Variants in MAN1A2 observed in about 807,000 individuals in gnomAD.
The protein encoded by MAN1A2 is mannosidase alpha class 1A member 2.
MAN1A2 carries 26 observed loss-of-function variants against 75.7 expected under a neutral mutation model. The observed-to-expected ratio is 0.34, with a 90% CI of 0.25 to 0.48. The LOEUF is 0.48. Among genes scored for constraint, MAN1A2 ranks in the 20% least tolerant of loss-of-function variants. The pLI is 0.99. For missense variants in MAN1A2, 562 were observed against 775.5 expected (o/e 0.72, Z 3.27); for synonymous variants, 247 against 264.6 (o/e 0.93, Z 0.65).
intron 12 of MAN1A2, among the ~76,000 whole-genome samples, chr1:117,512,423 T>C (rs770993041): frequency 1.3e-5 from 2 of 152,046 alleles, no homozygotes; most frequent in Non-Finnish European, 2.9e-5. Flanking sequence ...TTCTGATAAA[T>C]AGGTCTAGAG....
chr1:117,514,847 A>C, intron 12 of MAN1A2: 1 of 533,052 alleles, frequency 1.9e-6, no homozygotes, highest in South Asian at 1.4e-5. Flanking sequence ...TGGATCTTGA[A>C]GTTAGCCTCC....
chr1:117,455,078 T>C (rs1461124283), intron 6 of MAN1A2, among the ~76,000 whole-genome samples: 1 of 152,136 alleles, frequency 6.6e-6, no homozygotes, highest in East Asian at 1.9e-4. Flanking sequence ...AGAGACACTT[T>C]GGAAAACAGT....
At chr1:117,487,262 A>G (rs12407227) in intron 8 of MAN1A2, among the ~76,000 whole-genome samples, 13,573 of 152,096 alleles carry the variant, frequency 0.089, 672 homozygotes, top group Middle Eastern at 0.16. Context: ...CTGAAGAAGC[A>G]ATAGGCATAA....
At chr1:117,443,412 ATGT>A (rs1275039284) in intron 6 of MAN1A2, among the ~76,000 whole-genome samples, 3 of 152,110 alleles carry the variant, frequency 2.0e-5, no homozygotes, top group African/African-American at 7.2e-5. Flanking sequence ...TGGCCAAGTG[ATGT>A]TGTGTATACG....
Position 117,527,870 on chromosome 1 carries a change from A to G in MAN1A2, c.*4913A>G, listed in dbSNP as rs948765459. On this transcript the variant is annotated 3_prime_UTR_variant, in exon 13 of 13. Coordinates refer to ENST00000356554, the MANE Select transcript of MAN1A2 (RefSeq NM_006699.5). ...GCAAACTTTTGAAGAATTCTAAGCA[A>G]CAGAAAATGGGTTATGTGACTCATC... 1 of 152,058 alleles carries G rather than the reference A, an allele frequency of 6.6e-6. No individual in the cohort carries two copies. The highest frequency in any genetic ancestry group is 1.5e-5 in the Non-Finnish European group (1 of 67,968). 9.4% of individuals were successfully genotyped at this position (152,058 alleles called of 1,614,324 possible). A position where few individuals can be genotyped will look rare whatever the true frequency, so the allele number is the denominator to read the frequency against.
intron 12 of MAN1A2, among the ~76,000 whole-genome samples, chr1:117,509,418 C>G (rs1007627912): frequency 6.6e-6 from 1 of 151,954 alleles, no homozygotes; most frequent in East Asian, 1.9e-4. Flanking sequence ...TTCAAACACC[C>G]TAAGTGAGAG....
Position 117,397,640 on chromosome 1 carries a change from A to AC in MAN1A2, c.303-4541dup, listed in dbSNP as rs374857119. ...CCTGTAGTCAGAGCCGCTGTTTATA[A>AC]CCCCCTTTTTTTTTTTTTTTTTTTT... On this transcript the variant is annotated intron_variant, in intron 1 of 12. Coordinates refer to ENST00000356554, the MANE Select transcript of MAN1A2 (RefSeq NM_006699.5). Among the ~76,000 whole-genome samples the AC allele has an allele frequency of 9.8e-3, 1,150 of 117,510 alleles. 54 individuals carry two copies. The highest frequency in any genetic ancestry group is 0.021 in the African/African-American group (663 of 32,078). The allele number at this position is 117,510 out of a possible 152,430, so 77.1% of individuals were successfully genotyped here.
intron 8 of MAN1A2, among the ~76,000 whole-genome samples, chr1:117,476,686 C>T (rs1650324221): frequency 6.6e-6 from 1 of 151,990 alleles, no homozygotes; most frequent in African/African-American, 2.4e-5. Flanking sequence ...AGCGTTATTT[C>T]TGAGGCCTCT....
At chr1:117,422,968 T>TA (rs1169438599) in intron 5 of MAN1A2, among the ~76,000 whole-genome samples, 2 of 152,148 alleles carry the variant, frequency 1.3e-5, no homozygotes, top group African/African-American at 2.4e-5. Context: ...GTATTTTGTT[T>TA]AAGAAATGTT....
At chr1:117,396,504 C>T (rs1570709385) in intron 1 of MAN1A2, among the ~76,000 whole-genome samples, 2 of 152,106 alleles carry the variant, frequency 1.3e-5, no homozygotes, top group African/African-American at 4.8e-5. Flanking sequence ...AAAGATCATC[C>T]AAGTGAAAAT....
Position 117,525,397 on chromosome 1 carries a change from T to A in MAN1A2, c.*2440T>A, listed in dbSNP as rs1328186009. ...ATTTTTGTTATAGATTTTTAAATTA[T>A]TTCCTTCAAGATCAATTCTTATCCC... On this transcript the variant is annotated 3_prime_UTR_variant, in exon 13 of 13. Coordinates refer to ENST00000356554, the MANE Select transcript of MAN1A2 (RefSeq NM_006699.5). The A allele has an allele frequency of 1.2e-5, 3 of 240,054 alleles. No homozygotes were observed. The highest frequency in any genetic ancestry group is 2.6e-5 in the Non-Finnish European group (3 of 116,958). The allele number at this position is 240,054 out of a possible 1,614,324, so 14.9% of individuals were successfully genotyped here.
intron 6 of MAN1A2, among the ~76,000 whole-genome samples, chr1:117,447,108 C>CT (rs948801833): frequency 5.9e-4 from 90 of 152,088 alleles, no homozygotes; most frequent in African/African-American, 1.3e-3. Context: ...TGGTTTATCT[C>CT]TTTTTTTCCA....
intron 12 of MAN1A2, among the ~76,000 whole-genome samples, chr1:117,508,803 T>C (rs1651446201): frequency 6.6e-6 from 1 of 151,704 alleles, no homozygotes; most frequent in African/African-American, 2.4e-5. Flanking sequence ...ATGTTAATAG[T>C]ATTTCAACAA....
In MAN1A2 at chr1:117,368,061, TC is replaced by T; in HGVS notation, c.-121del. 1 of 933,168 alleles carries T rather than the reference TC, an allele frequency of 1.1e-6. No individual in the cohort carries two copies. The highest frequency in any genetic ancestry group is 1.6e-5 in the South Asian group (1 of 60,706). The allele number at this position is 933,168 out of a possible 1,614,324, so 57.8% of individuals were successfully genotyped here. A position where few individuals can be genotyped will look rare whatever the true frequency, so the allele number is the denominator to read the frequency against. On this transcript the variant is annotated 5_prime_UTR_variant, in exon 1 of 13. An upstream open reading frame in the 5' UTR gains an earlier in-frame stop. Transcript: ENST00000356554. ...CGTGCCCTCTTAAAAAGCACAACAG[TC>T]CTTTAAGAGGAGCAAAATTGAGTTT...
At chr1:117,462,260 A>G (rs1474148027) in intron 7 of MAN1A2, among the ~76,000 whole-genome samples, 1 of 152,180 alleles carries the variant, frequency 6.6e-6, no homozygotes, top group Non-Finnish European at 1.5e-5. Flanking sequence ...ATGTACATTT[A>G]CATTGTATAC....
chr1:117,426,214 C>CT (rs578167853), intron 5 of MAN1A2, among the ~76,000 whole-genome samples: 24 of 145,942 alleles, frequency 1.6e-4, no homozygotes, highest in South Asian at 6.6e-4. Flanking sequence ...TGTAATAGGT[C>CT]TTTTTTTTTT....
rs1298638368 is a variant in MAN1A2, at chr1:117,526,878, C to CTA, written c.*3922_*3923insAT. The CTA allele has an allele frequency of 5.2e-3, 313 of 60,724 alleles. No individual in the cohort carries two copies. Among genetic ancestry groups the CTA allele is most frequent in the Middle Eastern group, 0.023 (2 of 88 alleles). The allele number at this position is 60,724 out of a possible 1,614,324, so 3.8% of individuals were successfully genotyped here. On this transcript the variant is annotated 3_prime_UTR_variant, in exon 13 of 13. Transcript: ENST00000356554. Reference sequence around the variant, plus strand: ...TCTCTCTCTCTCTCTCTCTCTCTCTCTCTATATATATATATATATATATAT... The same window carrying CTA: ...TCTCTCTCTCTCTCTCTCTCTCTCTCTATCTATATATATATATATATATATAT...
intron 1 of MAN1A2, among the ~76,000 whole-genome samples, chr1:117,384,968 A>G (rs1653477052): frequency 6.6e-6 from 1 of 152,144 alleles, no homozygotes; most frequent in African/African-American, 2.4e-5. Context: ...TTGGAATTAT[A>G]TAGAAGAGTG....
intron 5 of MAN1A2, among the ~76,000 whole-genome samples, chr1:117,421,856 G>A (rs1002191545): frequency 6.6e-5 from 10 of 151,984 alleles, no homozygotes; most frequent in Non-Finnish European, 8.8e-5. Flanking sequence ...AATCACATAA[G>A]GTGTTTTATA....
Sources: gnomAD v4.1 joint callset for allele counts (sites outside exome capture counted in the v4.1 genomes callset) on GRCh38, gnomAD v4.1.1 for gene constraint, MANE v1.5 for transcripts, NCBI Gene and HGNC (gene_info 2026-07-23, HGNC 2026-07-21) for gene names.